Variants in SNX25 observed in about 807,000 individuals in gnomAD.
SNX25 encodes the protein sorting nexin 25, also known as sorting nexin-25.
Under a neutral mutation model 113.7 loss-of-function variants are expected in SNX25, and 62 were observed. The observed-to-expected ratio is 0.55, with a 90% CI of 0.44 to 0.67. The LOEUF (loss-of-function observed/expected upper bound fraction) is 0.67, where lower values mean the gene tolerates loss of function less well. Among genes scored for constraint, SNX25 ranks in the 30% least tolerant of loss-of-function variants. The probability of loss-of-function intolerance (pLI) is 0.00; values close to 1 mark genes in which losing one functional copy is unlikely to be tolerated. For missense variants in SNX25, 1,014 were observed against 1,161.0 expected (o/e 0.87, Z 1.84); for synonymous variants, 421 against 436.2 (o/e 0.97, Z 0.43).
intron 10 of SNX25, 60 bp downstream of exon 10, chr4:185,332,819 T>C (rs1307553440): frequency 1.8e-5 from 27 of 1,535,790 alleles, no homozygotes; most frequent in Non-Finnish European, 2.1e-5. Context: ...TTGGTAGTTT[T>C]CAGTTGAGGT....
chr4:185,205,408 C>G (rs1218422162), upstream of SNX25, among the ~76,000 whole-genome samples: 3 of 151,038 alleles, frequency 2.0e-5, no homozygotes, highest in East Asian at 5.8e-4. Flanking sequence ...GAGCCGAGAT[C>G]GTGCCACTGC....
intron 1 of SNX25, among the ~76,000 whole-genome samples, chr4:185,244,084 A>G (rs1744482523): frequency 6.6e-6 from 1 of 152,110 alleles, no homozygotes; most frequent in Non-Finnish European, 1.5e-5. Context: ...CGCAGCCTGC[A>G]TCTCCTGGGC....
intron 6 of SNX25, chr4:185,296,100 T>C (rs1054131901): frequency 2.0e-5 from 3 of 152,342 alleles, no homozygotes; most frequent in Non-Finnish European, 2.9e-5. Flanking sequence ...AAATGCTTGC[T>C]GTGTCTTGCA....
intron 1 of SNX25, among the ~76,000 whole-genome samples, chr4:185,233,699 T>G (rs971501788): frequency 2.0e-5 from 3 of 152,166 alleles, no homozygotes; most frequent in Admixed American, 2.0e-4. Context: ...AATTTTCAAG[T>G]GTTTGTCTGA....
the SNX25 span, chr4:185,378,182 T>C: frequency 6.2e-7 from 1 of 1,613,900 alleles, no homozygotes; most frequent in Non-Finnish European, 8.5e-7. Flanking sequence ...ACTGGTCAAC[T>C]TCATCCTTTT....
At chr4:185,377,960 T>C in the SNX25 span, 16 of 806,178 alleles carry the variant, frequency 2.0e-5, no homozygotes, top group East Asian at 4.3e-4. Context: ...TCAAAAGGAC[T>C]AATGATTAAC....
At chr4:185,338,063 TGAAACCTCTGTCAGA>T (rs1361872752) in intron 10 of SNX25, among the ~76,000 whole-genome samples, 5 of 152,228 alleles carry the variant, frequency 3.3e-5, no homozygotes, top group African/African-American at 7.2e-5. Flanking sequence ...AATCTGGAGA[TGAAACCTCTGTCAGA>T]GAGGTGATTT....
intron 7 of SNX25, among the ~76,000 whole-genome samples, chr4:185,320,473 T>C (rs527946252): frequency 1.3e-5 from 2 of 152,084 alleles, no homozygotes; most frequent in South Asian, 2.1e-4. Flanking sequence ...CCAGGGCCTA[T>C]TGGGGGTGGG....
At chr4:185,236,347 A>G (rs1742640608) in intron 1 of SNX25, among the ~76,000 whole-genome samples, 1 of 151,008 alleles carries the variant, frequency 6.6e-6, no homozygotes, top group Non-Finnish European at 1.5e-5. Flanking sequence ...AGCCTGGGCA[A>G]CAGAGTGAGA....
intron 16 of SNX25, among the ~76,000 whole-genome samples, chr4:185,359,383 A>G (rs965112047): frequency 6.6e-6 from 1 of 151,918 alleles, no homozygotes; most frequent in East Asian, 1.9e-4. Context: ...AGGCTTGTTT[A>G]GTTGACCTAA....
At chr4:185,260,460 G>C (rs1471707081) in intron 3 of SNX25, among the ~76,000 whole-genome samples, 2 of 152,172 alleles carry the variant, frequency 1.3e-5, no homozygotes, top group African/African-American at 4.8e-5. Flanking sequence ...CTTGAAATGG[G>C]CCATGGTGAG....
chr4:185,224,530 T>TAG (rs1560905107), intron 1 of SNX25, among the ~76,000 whole-genome samples: 2 of 129,640 alleles, frequency 1.5e-5, no homozygotes, highest in East Asian at 4.3e-4. Flanking sequence ...TATATATACA[T>TAG]ATATATAAAT....
intron 18 of SNX25, 125 bp downstream of exon 18, chr4:185,362,836 A>AATT: frequency 1.4e-5 from 5 of 352,608 alleles, no homozygotes; most frequent in Non-Finnish European, 1.9e-5. Context: ...ATCTCCCTTG[A>AATT]CTTTTTTTTT....
chr4:185,209,228 T>C (rs1560885259), upstream of SNX25: 2 of 152,174 alleles, frequency 1.3e-5, no homozygotes, highest in African/African-American at 4.8e-5. This position sits in a 1 kb window ranked among gnomAD's most constrained non-coding sequence, Gnocchi z 5.2. Flanking sequence ...CCTATTTAAA[T>C]AGCGAGTGAA....
chr4:185,229,809 A>G (rs1399742979), intron 1 of SNX25, among the ~76,000 whole-genome samples: 1 of 152,074 alleles, frequency 6.6e-6, no homozygotes, highest in Admixed American at 6.6e-5. Flanking sequence ...AAAATAAATG[A>G]TTTTTGATTC....
chr4:185,256,066 T>G (rs1200209968), intron 2 of SNX25, among the ~76,000 whole-genome samples: 1 of 152,214 alleles, frequency 6.6e-6, no homozygotes, highest in African/African-American at 2.4e-5. Flanking sequence ...TTCATGTGCC[T>G]TGTTTTCTGG....
At chr4:185,360,415 T>C (rs1465398549) in intron 16 of SNX25, among the ~76,000 whole-genome samples, 1 of 152,220 alleles carries the variant, frequency 6.6e-6, no homozygotes, top group Non-Finnish European at 1.5e-5. Context: ...TTCTGAAACC[T>C]TGTGTTGTCC....
intron 10 of SNX25, among the ~76,000 whole-genome samples, chr4:185,336,366 C>T (rs1268943980): frequency 6.6e-6 from 1 of 152,172 alleles, no homozygotes; most frequent in Non-Finnish European, 1.5e-5. Flanking sequence ...GTATCATTCT[C>T]ATGCCTTTGT....
At chr4:185,351,691 T>G in intron 14 of SNX25, 82 bp downstream of exon 14, 1 of 1,429,068 alleles carries the variant, frequency 7.0e-7, no homozygotes, top group Non-Finnish European at 9.5e-7. Context: ...GGGAAGCAAA[T>G]CCCTCTATTT....
Sources: allele counts gnomAD v4.1 joint callset (sites outside exome capture counted in the v4.1 genomes callset), GRCh38; gene constraint gnomAD v4.1.1; non-coding constraint Gnocchi (gnomAD v3.1); transcripts MANE v1.5; gene names NCBI Gene and HGNC (gene_info 2026-07-23, HGNC 2026-07-21).